CNTN4: variants seen among roughly 807,000 people sequenced by gnomAD.
CNTN4 encodes contactin-4.
CNTN4 carries 77 observed loss-of-function variants against 122.5 expected under a neutral mutation model. The observed-to-expected ratio is 0.63, with a 90% CI of 0.52 to 0.76. The LOEUF (loss-of-function observed/expected upper bound fraction) is 0.76, where lower values mean the gene tolerates loss of function less well. Among genes scored for constraint, CNTN4 ranks in the 30% least tolerant of loss-of-function variants. The pLI, the probability that CNTN4 is intolerant of heterozygous loss-of-function variation, is 0.00. For synonymous variants in CNTN4, 512 were observed against 447.0 expected (o/e 1.15, Z -1.83); for missense variants, 1,256 against 1,259.1 (o/e 1.00, Z 0.04).
At chr3:2,655,977 C>T (rs1218021666) in intron 4 of CNTN4, among the ~76,000 whole-genome samples, 2 of 152,062 alleles carry the variant, frequency 1.3e-5, no homozygotes, top group African/African-American at 2.4e-5. Flanking sequence ...CCTTGGATTT[C>T]GGATTTGCTT....
chr3:2,169,610 G>A (rs1415264272), intron 2 of CNTN4, among the ~76,000 whole-genome samples: 2 of 151,740 alleles, frequency 1.3e-5, no homozygotes, highest in Admixed American at 1.3e-4. Flanking sequence ...TGCTAGCCAG[G>A]ATGGTCTCGA....
At chr3:2,663,501 A>G (rs979627533) in intron 4 of CNTN4, among the ~76,000 whole-genome samples, 4 of 145,234 alleles carry the variant, frequency 2.8e-5, no homozygotes, top group African/African-American at 1.0e-4. Flanking sequence ...GGAGGAACTC[A>G]TAAGGGTCTG....
At chr3:2,811,515 C>A (rs979317421) in intron 6 of CNTN4, among the ~76,000 whole-genome samples, 14 of 151,090 alleles carry the variant, frequency 9.3e-5, no homozygotes, top group African/African-American at 3.4e-4. Context: ...GGCTAGAGTG[C>A]AGTGGCCTGA....
chr3:2,327,472 T>C (rs763897325), intron 2 of CNTN4, among the ~76,000 whole-genome samples: 3 of 152,342 alleles, frequency 2.0e-5, no homozygotes, highest in African/African-American at 2.4e-5. Flanking sequence ...ATATTTGTTT[T>C]AGCGTTCAGG....
intron 13 of CNTN4, among the ~76,000 whole-genome samples, chr3:2,954,890 C>G (rs1372331046): frequency 6.6e-6 from 1 of 152,048 alleles, no homozygotes; most frequent in Non-Finnish European, 1.5e-5. Flanking sequence ...CTATAAGATT[C>G]TGACTGTCAG....
At chr3:2,273,434 C>T (rs1201906343) in intron 2 of CNTN4, among the ~76,000 whole-genome samples, 4 of 152,114 alleles carry the variant, frequency 2.6e-5, no homozygotes, top group African/African-American at 9.7e-5. Flanking sequence ...GTGTCTCTTC[C>T]AGTTGTTTTT....
intron 4 of CNTN4, among the ~76,000 whole-genome samples, chr3:2,708,297 C>T (rs2086863890): frequency 6.6e-6 from 1 of 152,070 alleles, no homozygotes; most frequent in Non-Finnish European, 1.5e-5. Context: ...GATACAATGG[C>T]ATTTTAAAAA....
intron 13 of CNTN4, among the ~76,000 whole-genome samples, chr3:2,967,858 T>G (rs1692488391): frequency 6.6e-6 from 1 of 151,924 alleles, no homozygotes; most frequent in African/African-American, 2.4e-5. Flanking sequence ...GCTTTTTTTT[T>G]TTTTTTTAAT....
intron 2 of CNTN4, among the ~76,000 whole-genome samples, chr3:2,131,711 C>G (rs372489368): frequency 6.6e-6 from 1 of 152,120 alleles, no homozygotes; most frequent in Non-Finnish European, 1.5e-5. Flanking sequence ...GATGAAAACC[C>G]CAGTTAGTTT....
chr3:2,354,136 C>A (rs1575444153), intron 3 of CNTN4, among the ~76,000 whole-genome samples: 1 of 152,222 alleles, frequency 6.6e-6, no homozygotes, highest in Non-Finnish European at 1.5e-5. Context: ...TTCCCAATAT[C>A]TCAGTGTAAA....
chr3:2,715,072 C>G (rs1227104783), intron 4 of CNTN4, among the ~76,000 whole-genome samples: 1 of 152,136 alleles, frequency 6.6e-6, no homozygotes, highest in African/African-American at 2.4e-5. Flanking sequence ...GTTGATATCT[C>G]TTGTTTTTAT....
At chr3:2,678,261 GA>G (rs1166198074) in intron 4 of CNTN4, among the ~76,000 whole-genome samples, 1 of 152,078 alleles carries the variant, frequency 6.6e-6, no homozygotes, top group Non-Finnish European at 1.5e-5. Flanking sequence ...TCAAAGTCTA[GA>G]ATTCCAGGAT....
intron 4 of CNTN4, among the ~76,000 whole-genome samples, chr3:2,624,120 T>C (rs373915615): frequency 6.6e-6 from 1 of 152,326 alleles, no homozygotes; most frequent in East Asian, 1.9e-4. Context: ...TAGAAACATA[T>C]ATTTTATTAC....
rs578059766 is a variant in CNTN4 at position 3,051,400 on chromosome 3, A to C, written c.2812-2407A>C. Among the ~76,000 whole-genome samples, 61 of 152,332 alleles carry C rather than the reference A, an allele frequency of 4.0e-4. No homozygotes were observed. The South Asian group carries it at 6.0e-3, about 15-fold the overall frequency. ...CCATAATACTGCAAGACTGATAAGCAGTGCTGATAAAAGTGCTGCTTTTTC... is the reference window on the plus strand; with the variant it reads ...CCATAATACTGCAAGACTGATAAGCCGTGCTGATAAAAGTGCTGCTTTTTC... On this transcript the variant is annotated intron_variant, in intron 23 of 24. Coordinates refer to ENST00000418658, the MANE Select transcript of CNTN4 (RefSeq NM_175607.3).
intron 2 of CNTN4, among the ~76,000 whole-genome samples, chr3:2,168,165 T>G (rs1247273559): frequency 6.6e-6 from 1 of 152,196 alleles, no homozygotes; most frequent in Non-Finnish European, 1.5e-5. Flanking sequence ...ACTCTACAAA[T>G]GTAGACTGTA....
At chr3:2,820,008 A>G (rs1057047643) in intron 7 of CNTN4, among the ~76,000 whole-genome samples, 1 of 152,178 alleles carries the variant, frequency 6.6e-6, no homozygotes, top group African/African-American at 2.4e-5. Flanking sequence ...TTTCCACACT[A>G]ACAACCAAGT....
At chr3:3,033,976 G>A (rs1441556755) in intron 16 of CNTN4, among the ~76,000 whole-genome samples, 1 of 152,138 alleles carries the variant, frequency 6.6e-6, no homozygotes, top group African/African-American at 2.4e-5. Flanking sequence ...GCCTAATTTT[G>A]AAATTGCTTT....
chr3:2,538,614 G>A (rs1213796694), intron 3 of CNTN4, among the ~76,000 whole-genome samples: 1 of 151,852 alleles, frequency 6.6e-6, no homozygotes, highest in South Asian at 2.1e-4. Flanking sequence ...GTGTAATCTG[G>A]TTTACATTTG....
At chr3:2,996,077 A>G (rs943189510) in intron 14 of CNTN4, among the ~76,000 whole-genome samples, 1 of 152,220 alleles carries the variant, frequency 6.6e-6, no homozygotes, top group Admixed American at 6.5e-5. Flanking sequence ...CAGAATACAC[A>G]TGCGGCATAA....
Sources: allele counts gnomAD v4.1 joint callset (sites outside exome capture counted in the v4.1 genomes callset), GRCh38; gene constraint gnomAD v4.1.1; transcripts MANE v1.5; gene names NCBI Gene and HGNC (gene_info 2026-07-23, HGNC 2026-07-21).